Variants in CEP55 observed in about 807,000 individuals in gnomAD.
The protein encoded by CEP55 is centrosomal protein of 55 kDa.
In CEP55, 57 loss-of-function variants were observed where a neutral mutation model predicts 63.2. That is an observed-to-expected ratio of 0.90 (90% CI 0.73 to 1.13). CEP55 has a LOEUF of 1.13. Among genes scored for constraint, CEP55 ranks in the 50% most tolerant of loss-of-function variants. The pLI is 0.00. For missense variants in CEP55, 456 were observed against 518.9 expected, an observed-to-expected ratio of 0.88 and a Z score of 1.18; for synonymous variants, 178 against 191.6, an observed-to-expected ratio of 0.93 and a Z score of 0.59.
At chr10:93,521,950 A>C (rs943024004) in intron 8 of CEP55, among the ~76,000 whole-genome samples, 7 of 152,216 alleles carry the variant, frequency 4.6e-5, no homozygotes, top group Non-Finnish European at 1.0e-4. Flanking sequence ...TCTGTATGTC[A>C]CCATCATCAA....
chr10:93,527,887 A>G, intron 8 of CEP55, 63 bp from the exon 9 acceptor site: 1 of 1,109,804 alleles, frequency 9.0e-7, no homozygotes. Context: ...TCAAAAAAAG[A>G]AAAAAAAAAA....
In CEP55 at chr10:93,507,054, G is replaced by A; in HGVS notation, c.526G>A (p.Asp176Asn). 1.3e-6 allele frequency: 2 copies of A among 1,536,114 alleles called. No homozygotes were observed. The highest frequency in any genetic ancestry group is 1.8e-6 in the Non-Finnish European group (2 of 1,111,570). Residue 176 changes from aspartate (D) to asparagine (N), a missense_variant and splice_region_variant, in exon 4 of 9, where the codon GAT becomes AAT. Physicochemically the swap from Asp to Asn is conservative, Grantham distance 23. Transcript: ENST00000371485. ...TCATGAAATGGAAATACAGCTGAAAGATGTAAGTTCATTTCCTTTTAAGTT... is the reference window on the plus strand; with the variant it reads ...TCATGAAATGGAAATACAGCTGAAAAATGTAAGTTCATTTCCTTTTAAGTT... ...NIHEMEIQLKDALEKNQQWLV... is the reference protein window; with the variant it reads ...NIHEMEIQLKNALEKNQQWLV...
intron 8 of CEP55, among the ~76,000 whole-genome samples, chr10:93,525,649 A>G (rs2057914279): frequency 6.6e-6 from 1 of 151,834 alleles, no homozygotes; most frequent in Non-Finnish European, 1.5e-5. Context: ...AGCCAAAAGA[A>G]CAAAGCTGGA....
chr10:93,509,462 C>T (rs1300118454), intron 4 of CEP55, among the ~76,000 whole-genome samples: 1 of 71,938 alleles, frequency 1.4e-5, no homozygotes, highest in African/African-American at 4.9e-5. Context: ...CTTTGAGAAC[C>T]ATTAACATTA....
intron 4 of CEP55, among the ~76,000 whole-genome samples, chr10:93,512,981 A>G (rs2057768300): frequency 6.6e-6 from 1 of 152,258 alleles, no homozygotes; most frequent in African/African-American, 2.4e-5. Flanking sequence ...AATACATTGA[A>G]CAATCATATA....
rs139971207 is a variant in CEP55, at chr10:93,526,879, A to G, written c.1192-1071A>G. 5.4e-3 allele frequency among the ~76,000 whole-genome samples: 829 copies of G among 152,310 alleles called. 4 individuals carry two copies. Among genetic ancestry groups the G allele is most frequent in the Non-Finnish European group, 7.9e-3 (537 of 68,028 alleles). On this transcript the variant is annotated intron_variant, in intron 8 of 8. Coordinates refer to ENST00000371485, the MANE Select transcript of CEP55 (RefSeq NM_018131.5). The stretch of plus-strand genomic sequence containing the variant: ...GTTCTCACTCATAGGTGGGATTTGA[A>G]CAATGAGAACACTTGGACACAGGAA...
chr10:93,522,764 G>A (rs1193191776), intron 8 of CEP55, among the ~76,000 whole-genome samples: 2 of 152,224 alleles, frequency 1.3e-5, no homozygotes, highest in Non-Finnish European at 2.9e-5. Flanking sequence ...CAAGCCAGAA[G>A]AGAGTGGGGG....
chr10:93,523,875 T>C (rs958243109), intron 8 of CEP55, among the ~76,000 whole-genome samples: 3 of 152,176 alleles, frequency 2.0e-5, no homozygotes, highest in Admixed American at 6.5e-5. Context: ...GAAATAAAGA[T>C]GTTCTTTGAA....
chr10:93,521,921 C>T (rs1039563295), intron 8 of CEP55, among the ~76,000 whole-genome samples: 1 of 152,158 alleles, frequency 6.6e-6, no homozygotes, highest in Admixed American at 6.5e-5. Context: ...ACAGAAAGGA[C>T]ATCCACACCA....
In CEP55 at chr10:93,509,547, G is replaced by A. The variant is rs1005992107; in HGVS notation, c.528+2491G>A. Among the ~76,000 whole-genome samples the A allele has an allele frequency of 5.3e-5, 8 of 151,984 alleles. No homozygotes were observed. In the East Asian group the frequency reaches 7.7e-4, roughly 15 times the overall value. The stretch of plus-strand genomic sequence containing the variant: ...GTCACTCAGGTTGGAGTGCAGTGGC[G>A]CGATCTTGGCTCATTGCAACCTCCG... On this transcript the variant is annotated intron_variant, in intron 4 of 8. Coordinates refer to ENST00000371485, the MANE Select transcript of CEP55 (RefSeq NM_018131.5).
chr10:93,499,224 C>T (rs1327062363), intron 1 of CEP55, among the ~76,000 whole-genome samples: 1 of 152,036 alleles, frequency 6.6e-6, no homozygotes, highest in Admixed American at 6.6e-5. Context: ...TCACTTTTTC[C>T]CACTGTGCTC....
Position 93,519,684 on chromosome 10 carries a change from G to C in CEP55, c.1068G>C (p.Met356Ile), listed in dbSNP as rs201840039. Residue 356 changes from methionine (M) to isoleucine (I), a missense_variant and splice_region_variant, in exon 8 of 9, where the codon ATG becomes ATC. By Grantham distance (10) the Met-to-Ile change is conservative. Transcript: ENST00000371485. ...QTRVALLEQQ[M>I]QACTLDFENE... is the part of the protein sequence containing the mutation. ...GTCTTGTTCTGGGCCTTTTCCAGAT[G>C]CAGGCATGTACTTTAGACTTTGAAA... The C allele has an allele frequency of 2.5e-6, 4 of 1,614,070 alleles. No individual in the cohort carries two copies. Among genetic ancestry groups the C allele is most frequent in the African/African-American group, 2.7e-5 (2 of 75,058 alleles).
At chr10:93,506,566 ATTT>A (rs1477411757) in intron 3 of CEP55, among the ~76,000 whole-genome samples, 1 of 151,726 alleles carries the variant, frequency 6.6e-6, no homozygotes, top group Non-Finnish European at 1.5e-5. Flanking sequence ...CTAGATCTGG[ATTT>A]TTTGTTTTCT....
intron 8 of CEP55, among the ~76,000 whole-genome samples, chr10:93,526,065 A>T (rs1481745784): frequency 6.6e-6 from 1 of 152,156 alleles, no homozygotes; most frequent in African/African-American, 2.4e-5. Context: ...AGCAATGGCA[A>T]CAAAAGCCAA....
rs1424887334 is a variant in CEP55, at chr10:93,526,547, C to T, written c.1192-1403C>T. Among the ~76,000 whole-genome samples, 6 of 152,272 alleles carry T rather than the reference C, an allele frequency of 3.9e-5. No individual in the cohort carries two copies. In the East Asian group the frequency reaches 1.2e-3, roughly 29 times the overall value. ...TGTGGCAATTCCTCAGGATCTAGAACTAGAAATACCATTTGACCCAGCCAT... is the reference window on the plus strand; with the variant it reads ...TGTGGCAATTCCTCAGGATCTAGAATTAGAAATACCATTTGACCCAGCCAT... On this transcript the variant is annotated intron_variant, in intron 8 of 8. Coordinates refer to ENST00000371485, the MANE Select transcript of CEP55 (RefSeq NM_018131.5).
chr10:93,519,690 A>T lies in CEP55; in HGVS notation c.1074A>T (p.Ala358=). ...RVALLEQQMQ[A]CTLDFENEKL... is the part of the protein sequence containing the mutation. ...TTCTGGGCCTTTTCCAGATGCAGGC[A>T]TGTACTTTAGACTTTGAAAATGAAA... The change falls in exon 8 of 9, where the codon GCA becomes GCT. Residue 358 remains alanine, a synonymous_variant. Transcript: ENST00000371485. The T allele has an allele frequency of 6.2e-7, 1 of 1,614,190 alleles. No homozygotes were observed. The highest frequency in any genetic ancestry group is 8.5e-7 in the Non-Finnish European group (1 of 1,180,032).
intron 1 of CEP55, among the ~76,000 whole-genome samples, chr10:93,498,906 A>T (rs1416397491): frequency 6.6e-6 from 1 of 152,012 alleles, no homozygotes; most frequent in Non-Finnish European, 1.5e-5. Context: ...TAATGGGCTC[A>T]TACTCCTTTA....
rs2057829146 is a variant in CEP55, at chr10:93,518,866, A to G, written c.994-11A>G. 1 of 1,586,648 alleles carries G rather than the reference A, an allele frequency of 6.3e-7. No homozygotes were observed. Among genetic ancestry groups the G allele is most frequent in the African/African-American group, 1.3e-5 (1 of 74,272 alleles). On this transcript the variant is annotated splice_polypyrimidine_tract_variant and intron_variant, in intron 6 of 8. Coordinates refer to ENST00000371485, the MANE Select transcript of CEP55 (RefSeq NM_018131.5). ...GGATGTGACAGCATTGGTTCTCTTT[A>G]TGTCCTACAGGTCCAGTTTCTTTAC...
Position 93,517,100 on chromosome 10 carries a change from T to G in CEP55, c.845T>G (p.Leu282Arg). 1 of 1,614,092 alleles carries G rather than the reference T, an allele frequency of 6.2e-7. No homozygotes were observed. ...AAAGAAGTTCACAATTTAAATCAGC[T>G]GTTGTATTCACAAAGAAGGGCAGAT... ...TQKEVHNLNQLLYSQRRADVQ... is the reference protein window; with the variant it reads ...TQKEVHNLNQRLYSQRRADVQ... The change falls in exon 6 of 9, where the codon CTG becomes CGG. Residue 282 changes from leucine (L) to arginine (R), a missense_variant. Leu to Arg is a moderately radical substitution (Grantham distance 102). Transcript: ENST00000371485.
Sources: allele counts gnomAD v4.1 joint callset (sites outside exome capture counted in the v4.1 genomes callset), GRCh38; gene constraint gnomAD v4.1.1; transcripts MANE v1.5; gene names NCBI Gene and HGNC (gene_info 2026-07-23, HGNC 2026-07-21).